The following HS2ST1 variants were observed in gnomAD, a reference collection of about 807,000 sequenced individuals.
HS2ST1 encodes heparan sulfate 2-O-sulfotransferase 1, also known as 2-O-sulfotransferase.
HS2ST1 carries 18 observed loss-of-function variants against 42.9 expected under a neutral mutation model. That is an observed-to-expected ratio of 0.42 (90% CI 0.29 to 0.62). The LOEUF (loss-of-function observed/expected upper bound fraction) is 0.62, where lower values mean the gene tolerates loss of function less well. Ranked by LOEUF, HS2ST1 falls within the 20% of genes least tolerant of loss-of-function variation. HS2ST1 has a pLI of 0.21. For synonymous variants in HS2ST1, 146 were observed against 152.9 expected (o/e 0.95, Z 0.33); for missense variants, 334 against 433.8 (o/e 0.77, Z 2.04).
At chr1:87,059,645 A>G (rs562565524) in intron 1 of HS2ST1, among the ~76,000 whole-genome samples, 2 of 152,318 alleles carry the variant, frequency 1.3e-5, no homozygotes, top group Admixed American at 6.5e-5. Flanking sequence ...ATGATTTTTA[A>G]CTATGATATT....
intron 1 of HS2ST1, among the ~76,000 whole-genome samples, chr1:86,955,413 A>G (rs1647649122): frequency 2.0e-5 from 3 of 152,098 alleles, no homozygotes; most frequent in African/African-American, 7.2e-5. Flanking sequence ...CTCCTTAAGA[A>G]AATCTAATCC....
intron 1 of HS2ST1, among the ~76,000 whole-genome samples, chr1:86,963,853 C>G (rs1647942820): frequency 6.8e-6 from 1 of 147,784 alleles, no homozygotes; most frequent in East Asian, 2.0e-4. Flanking sequence ...CCACCTCCCG[C>G]CCGGACGGGG....
At chr1:86,993,556 C>CT (rs1649018588) in intron 1 of HS2ST1, among the ~76,000 whole-genome samples, 3 of 152,136 alleles carry the variant, frequency 2.0e-5, no homozygotes, top group Non-Finnish European at 4.4e-5. Flanking sequence ...AGATAGTGTC[C>CT]TTGTATCATT....
chr1:87,104,385 C>A, intron 6 of HS2ST1, 85 bp from the exon 7 acceptor site: 3 of 825,980 alleles, frequency 3.6e-6, no homozygotes, highest in South Asian at 1.6e-5. Flanking sequence ...TCATATTAAC[C>A]ACCTCTTCAA....
rs1380435844 is a variant in HS2ST1, at chr1:87,105,857, C to T, written c.*1161C>T. The T allele has an allele frequency of 1.3e-5, 2 of 152,442 alleles. No individual in the cohort carries two copies. Among genetic ancestry groups the T allele is most frequent in the Non-Finnish European group, 2.9e-5 (2 of 67,928 alleles). 9.4% of individuals were successfully genotyped at this position (152,442 alleles called of 1,614,324 possible). A position where few individuals can be genotyped will look rare whatever the true frequency, so the allele number is the denominator to read the frequency against. Reference sequence around the variant, plus strand: ...ACAGTTCATTATTCATAACTTGAGGCAGTAATTACAGTGGAATGAGTACTG... The same window carrying T: ...ACAGTTCATTATTCATAACTTGAGGTAGTAATTACAGTGGAATGAGTACTG... On this transcript the variant is annotated 3_prime_UTR_variant, in exon 7 of 7. Transcript: ENST00000370550.
In HS2ST1 at chr1:87,109,571, T is replaced by C. The variant is rs540537391; in HGVS notation, c.*4875T>C. ...GAACACACATTTCTGATTTTTTTTT[T>C]CCCCCTTAAAGAAGAAAGTCTCAAT... On this transcript the variant is annotated 3_prime_UTR_variant, in exon 7 of 7. Transcript: ENST00000370550. The C allele has an allele frequency of 3.8e-4, 58 of 152,136 alleles. No individual in the cohort carries two copies. The highest frequency in any genetic ancestry group is 1.1e-3 in the African/African-American group (45 of 41,528). The allele number at this position is 152,136 out of a possible 1,614,324, so 9.4% of individuals were successfully genotyped here.
At chr1:86,974,380 G>T (rs565487470) in intron 1 of HS2ST1, among the ~76,000 whole-genome samples, 1 of 152,268 alleles carries the variant, frequency 6.6e-6, no homozygotes, top group East Asian at 1.9e-4. Context: ...TGGGAGTTCT[G>T]TGCACCTCCT....
At chr1:87,061,390 T>C (rs1651119375) in intron 1 of HS2ST1, among the ~76,000 whole-genome samples, 1 of 152,080 alleles carries the variant, frequency 6.6e-6, no homozygotes, top group African/African-American at 2.4e-5. Flanking sequence ...GTTAATCGGG[T>C]GCTTTCCATT....
intron 1 of HS2ST1, among the ~76,000 whole-genome samples, chr1:87,055,581 TA>T (rs1306747201): frequency 3.3e-5 from 5 of 152,178 alleles, no homozygotes; most frequent in Non-Finnish European, 7.4e-5. Flanking sequence ...TAAAACTCTT[TA>T]AAAAAATGGC....
intron 1 of HS2ST1, among the ~76,000 whole-genome samples, chr1:86,975,836 A>G (rs144337025): frequency 1.3e-5 from 2 of 152,322 alleles, no homozygotes; most frequent in East Asian, 1.9e-4. Context: ...GTGAGAGCCT[A>G]TTTTAAGGGT....
At chr1:86,998,462 TG>T in intron 1 of HS2ST1, among the ~76,000 whole-genome samples, 1 of 152,234 alleles carries the variant, frequency 6.6e-6, no homozygotes, top group Non-Finnish European at 1.5e-5. Context: ...AGCAATACAC[TG>T]AGCGAATTTT....
At chr1:87,098,360 G>A in intron 5 of HS2ST1, 1 of 979,106 alleles carries the variant, frequency 1.0e-6, no homozygotes, top group Non-Finnish European at 1.2e-6. Context: ...TTTAAGAGAA[G>A]CCAAGGTTAT....
intron 1 of HS2ST1, among the ~76,000 whole-genome samples, chr1:86,930,021 C>A (rs1660511197): frequency 6.6e-6 from 1 of 151,734 alleles, no homozygotes; most frequent in East Asian, 1.9e-4. Context: ...TAGTTACTTG[C>A]CATTCTACAA....
chr1:86,996,843 G>A (rs1166046942), intron 1 of HS2ST1, among the ~76,000 whole-genome samples: 1 of 152,126 alleles, frequency 6.6e-6, no homozygotes, highest in Non-Finnish European at 1.5e-5. Flanking sequence ...GATTTGAAAA[G>A]GAACCAGACA....
chr1:86,978,211 G>A (rs992373162), intron 1 of HS2ST1, among the ~76,000 whole-genome samples: 15 of 152,064 alleles, frequency 9.9e-5, no homozygotes, highest in Admixed American at 2.6e-4. Flanking sequence ...GAATAAAGGC[G>A]GTTTTCAGAA....
chr1:86,936,487 T>G (rs1404834706), intron 1 of HS2ST1, among the ~76,000 whole-genome samples: 1 of 152,200 alleles, frequency 6.6e-6, no homozygotes, highest in African/African-American at 2.4e-5. Context: ...TGATATGCAA[T>G]GAATGCTTTA....
chr1:87,017,872 A>C (rs899635173), intron 1 of HS2ST1, among the ~76,000 whole-genome samples: 4 of 152,134 alleles, frequency 2.6e-5, no homozygotes, highest in Non-Finnish European at 5.9e-5. Flanking sequence ...CCCAAATCAG[A>C]ATATTCAAAT....
At chr1:86,942,933 C>G (rs557633853) in intron 1 of HS2ST1, among the ~76,000 whole-genome samples, 4 of 152,074 alleles carry the variant, frequency 2.6e-5, no homozygotes, top group Admixed American at 6.5e-5. Flanking sequence ...TTTTTTCCCC[C>G]CTTATCTACA....
chr1:86,925,695 C>G (rs561868063), intron 1 of HS2ST1, among the ~76,000 whole-genome samples: 3 of 152,202 alleles, frequency 2.0e-5, no homozygotes, highest in African/African-American at 7.2e-5. Flanking sequence ...CCTACCAGTT[C>G]CCTCCTGCAA....
Sources: gnomAD v4.1 joint callset for allele counts (sites outside exome capture counted in the v4.1 genomes callset) on GRCh38, gnomAD v4.1.1 for gene constraint, MANE v1.5 for transcripts, NCBI Gene and HGNC (gene_info 2026-07-23, HGNC 2026-07-21) for gene names.